The following PSMF1 variants were observed in gnomAD, a reference collection of about 807,000 sequenced individuals.
The protein encoded by PSMF1 is proteasome inhibitor PI31 subunit.
PSMF1 carries 30 observed loss-of-function variants against 29.3 expected under a neutral mutation model. The observed-to-expected ratio is 1.02, with a 90% CI of 0.77 to 1.39. The LOEUF (loss-of-function observed/expected upper bound fraction) is 1.39. Among genes scored for constraint, PSMF1 ranks in the 40% most tolerant of loss-of-function variants. PSMF1 has a pLI of 0.00. For missense variants in PSMF1, 344 were observed against 357.5 expected (o/e 0.96, Z 0.31); for synonymous variants, 134 against 139.7 (o/e 0.96, Z 0.29).
At chr20:1,132,780 C>T (rs2086246901) in intron 3 of PSMF1, among the ~76,000 whole-genome samples, 1 of 152,022 alleles carries the variant, frequency 6.6e-6, no homozygotes, top group African/African-American at 2.4e-5. Flanking sequence ...TAATTTTCAA[C>T]ATATAGATCC....
chr20:1,128,646 A>G (rs2086190887), intron 3 of PSMF1, among the ~76,000 whole-genome samples: 1 of 152,216 alleles, frequency 6.6e-6, no homozygotes, highest in Admixed American at 6.5e-5. Flanking sequence ...TGTTTTATAT[A>G]TAGTTAAGCT....
intron 4 of PSMF1, among the ~76,000 whole-genome samples, chr20:1,137,009 T>C (rs1235840234): frequency 2.0e-5 from 3 of 152,184 alleles, no homozygotes; most frequent in African/African-American, 7.2e-5. Context: ...AACAAGACAT[T>C]TGAAAATTGT....
At chr20:1,152,938 T>C (rs2086549538) in intron 4 of PSMF1, among the ~76,000 whole-genome samples, 1 of 152,222 alleles carries the variant, frequency 6.6e-6, no homozygotes, top group African/African-American at 2.4e-5. Context: ...AATGTTTCCT[T>C]AGAATAGATT....
intron 4 of PSMF1, among the ~76,000 whole-genome samples, chr20:1,136,315 T>C (rs529421453): frequency 2.0e-5 from 3 of 152,204 alleles, no homozygotes; most frequent in Non-Finnish European, 4.4e-5. Flanking sequence ...GGGGTCTAGG[T>C]GTCCTTACTC....
intron 4 of PSMF1, among the ~76,000 whole-genome samples, chr20:1,150,321 G>A (rs917863405): frequency 6.6e-6 from 1 of 152,152 alleles, no homozygotes; most frequent in Admixed American, 6.5e-5. Context: ...GCTGGATGTG[G>A]GTGAGTGAGT....
At position 1,159,828 on chromosome 20, in the gene PSMF1, G is replaced by A. The variant is rs553296768; in HGVS notation, c.552-3302G>A. ...GTCCATTTAAATCACAGTATCCTGC[G>A]ATTCCAGCCCATCAGGTGGAACTGA... On this transcript the variant is annotated intron_variant, in intron 4 of 6. Transcript: ENST00000335877. 1.2e-4 allele frequency among the ~76,000 whole-genome samples: 19 copies of A among 152,238 alleles called. No homozygotes were observed. In the South Asian group the frequency reaches 2.3e-3, roughly 18 times the overall value.
intron 1 of PSMF1, among the ~76,000 whole-genome samples, chr20:1,120,489 G>A (rs1049594162): frequency 6.6e-6 from 1 of 152,138 alleles, no homozygotes; most frequent in Non-Finnish European, 1.5e-5. Flanking sequence ...GGTAGAGACA[G>A]CACCCCCATT....
In PSMF1 at chr20:1,165,570, C is replaced by T; in HGVS notation, c.*490C>T. On this transcript the variant is annotated 3_prime_UTR_variant, in exon 7 of 7. Transcript: ENST00000335877. ...TAGGGCTGAATGACTCTTTTTCCTG[C>T]CCAGGGCCCATTCTTGCTTCTCAGG... is the stretch of plus-strand genomic sequence containing the variant. The T allele has an allele frequency of 3.0e-6, 3 of 994,952 alleles. No individual in the cohort carries two copies. The highest frequency in any genetic ancestry group is 3.6e-6 in the Non-Finnish European group (3 of 835,610). 61.6% of individuals were successfully genotyped at this position (994,952 alleles called of 1,614,324 possible). A position where few individuals can be genotyped will look rare whatever the true frequency, so the allele number is the denominator to read the frequency against.
intron 3 of PSMF1, among the ~76,000 whole-genome samples, chr20:1,131,159 C>T (rs943356937): frequency 6.6e-6 from 1 of 152,222 alleles, no homozygotes; most frequent in Admixed American, 6.5e-5. Flanking sequence ...AGTGTGGTCT[C>T]TTGACTTCTT....
chr20:1,129,423 G>T (rs1417019136), intron 3 of PSMF1, among the ~76,000 whole-genome samples: 1 of 152,130 alleles, frequency 6.6e-6, no homozygotes, highest in Non-Finnish European at 1.5e-5. Context: ...ACCTATTCCA[G>T]TCCTCACAGA....
chr20:1,159,755 G>A (rs1043256673), intron 4 of PSMF1, among the ~76,000 whole-genome samples: 5 of 152,148 alleles, frequency 3.3e-5, no homozygotes, highest in East Asian at 1.9e-4. Flanking sequence ...TGGCTTGGGA[G>A]CAGTAACCTA....
chr20:1,147,411 A>G lies in PSMF1; in HGVS notation c.551+12105A>G, dbSNP rs1456960649. ...CTGGGATTTACCCCGAAGTGGGTCTAACTCAGCAGCTTATGCTTTTCCCAC... is the reference window on the plus strand; with the variant it reads ...CTGGGATTTACCCCGAAGTGGGTCTGACTCAGCAGCTTATGCTTTTCCCAC... On this transcript the variant is annotated intron_variant, in intron 4 of 6. Coordinates refer to ENST00000335877, the MANE Select transcript of PSMF1 (RefSeq NM_006814.5). 3.9e-5 allele frequency among the ~76,000 whole-genome samples: 6 copies of G among 152,208 alleles called. No homozygotes were observed. The East Asian group carries it at 1.2e-3, about 29-fold the overall frequency.
intron 4 of PSMF1, among the ~76,000 whole-genome samples, chr20:1,138,556 T>G (rs2086338765): frequency 7.0e-6 from 1 of 141,900 alleles, no homozygotes; most frequent in Non-Finnish European, 1.5e-5. Context: ...GGATAAAAAC[T>G]ACATGTTCAT....
chr20:1,120,691 G>A (rs921784354), intron 1 of PSMF1, among the ~76,000 whole-genome samples: 1 of 152,228 alleles, frequency 6.6e-6, no homozygotes, highest in Non-Finnish European at 1.5e-5. Flanking sequence ...GAGAAGAGGA[G>A]TAAGATTTGA....
In PSMF1 at chr20:1,170,580, G is replaced by T. The variant is rs1356642396; in HGVS notation, c.*5500G>T. Among the ~76,000 whole-genome samples the T allele has an allele frequency of 6.6e-6, 1 of 151,994 alleles. No homozygotes were observed. On this transcript the variant is annotated 3_prime_UTR_variant, in exon 7 of 7. Coordinates refer to ENST00000335877, the MANE Select transcript of PSMF1 (RefSeq NM_006814.5). ...AAGGATTGGGAAGGTCCAGTAATTT[G>T]CTCAGGGTCAAGCAGGAGTCTCAGA...
At chr20:1,134,702 C>A in intron 3 of PSMF1, 1 of 289,088 alleles carries the variant, frequency 3.5e-6, no homozygotes, top group Non-Finnish European at 6.8e-6. Flanking sequence ...CAGAGCTCTG[C>A]CTGCCTGGAA....
At chr20:1,162,386 A>G (rs1345356062) in intron 4 of PSMF1, among the ~76,000 whole-genome samples, 4 of 152,188 alleles carry the variant, frequency 2.6e-5, no homozygotes, top group Non-Finnish European at 5.9e-5. Context: ...GTAAGAAAAA[A>G]TAAAAGTGCT....
intron 4 of PSMF1, among the ~76,000 whole-genome samples, chr20:1,146,700 G>T (rs991694595): frequency 2.0e-5 from 3 of 152,172 alleles, no homozygotes; most frequent in Non-Finnish European, 4.4e-5. Context: ...AGGCTTTGAA[G>T]AATGATCAGC....
chr20:1,154,826 G>A (rs1396458618), intron 4 of PSMF1, among the ~76,000 whole-genome samples: 1 of 152,222 alleles, frequency 6.6e-6, no homozygotes, highest in African/African-American at 2.4e-5. Context: ...GATACTAGTT[G>A]TGCCACGAAA....
Sources: allele counts gnomAD v4.1 joint callset (sites outside exome capture counted in the v4.1 genomes callset), GRCh38; gene constraint gnomAD v4.1.1; transcripts MANE v1.5; gene names NCBI Gene and HGNC (gene_info 2026-07-23, HGNC 2026-07-21).